Variants in SEMA6B observed in about 807,000 individuals in gnomAD.
The protein encoded by SEMA6B is semaphorin 6B.
SEMA6B carries 47 observed loss-of-function variants against 78.6 expected under a neutral mutation model. That is an observed-to-expected ratio of 0.60 (90% confidence interval 0.47 to 0.76). The LOEUF (loss-of-function observed/expected upper bound fraction) is 0.76. Among genes scored for constraint, SEMA6B ranks in the 30% least tolerant of loss-of-function variants. The pLI, the probability that SEMA6B is intolerant of heterozygous loss-of-function variation, is 0.00. For missense variants in SEMA6B, 1,213 were observed against 1,269.9 expected (o/e 0.96, Z 0.68); for synonymous variants, 632 against 592.2 (o/e 1.07, Z -0.98).
At chr19:4,557,057 G>C (rs1156664363) in intron 4 of SEMA6B, 44 bp from the exon 5 acceptor site, 1 of 1,600,920 alleles carries the variant, frequency 6.2e-7, no homozygotes, top group East Asian at 2.2e-5. Context: ...GGTCCCAGCA[G>C]CCCTGAGTGA....
chr19:4,555,839 T>C lies in SEMA6B; in HGVS notation c.471+149A>G. The C allele has an allele frequency of 1.4e-6, 1 of 717,670 alleles. No individual in the cohort carries two copies. Among genetic ancestry groups the C allele is most frequent in the African/African-American group, 1.7e-5 (1 of 57,400 alleles). 44.5% of individuals were successfully genotyped at this position (717,670 alleles called of 1,614,324 possible). A position where few individuals can be genotyped will look rare whatever the true frequency, so the allele number is the denominator to read the frequency against. ...TCGTTTGGACAGCGCTGACTCCTCT[T>C]GAGCTCAGGGGGAGGAGGCAGGGAG... On this transcript the variant is annotated intron_variant, in intron 6 of 16. Transcript: ENST00000586582. The surrounding 1 kb of genome is among the most constrained non-coding windows in gnomAD (Gnocchi z 6.1).
In SEMA6B at chr19:4,556,932, C is replaced by G. The variant is rs956553233; in HGVS notation, c.369+19G>C. ...AGGGCTGATTCGCAGGGGCCGGGAC[C>G]GAGCCAGGGCCAACTCACCTCCTGT... On this transcript the variant is annotated intron_variant, in intron 5 of 16. Coordinates refer to ENST00000586582, the MANE Select transcript of SEMA6B (RefSeq NM_032108.4). 2.5e-6 allele frequency: 4 copies of G among 1,609,392 alleles called. No individual in the cohort carries two copies. Among genetic ancestry groups the G allele is most frequent in the Non-Finnish European group, 3.4e-6 (4 of 1,177,486 alleles).
chr19:4,552,520 G>A lies in SEMA6B; in HGVS notation c.891C>T (p.Asp297=). ...GCAGCACGTTGAAGTAGAAATGGGA[G>A]TCTCCGGGTACAGAGCAGTTGAGCC... is the stretch of plus-strand genomic sequence containing the variant. The part of the protein sequence containing the change: ...KARLNCSVPG[D]SHFYFNVLQA... The change falls in exon 10 of 17, where the codon GAC becomes GAT. Residue 297 remains aspartate (D), a synonymous_variant. Coordinates refer to ENST00000586582, the MANE Select transcript of SEMA6B (RefSeq NM_032108.4). The surrounding 1 kb of genome is among the most constrained non-coding windows in gnomAD (Gnocchi z 7.4). 1 of 1,612,888 alleles carries A rather than the reference G, an allele frequency of 6.2e-7. No individual in the cohort carries two copies. Among genetic ancestry groups the A allele is most frequent in the Non-Finnish European group, 8.5e-7 (1 of 1,179,978 alleles).
intron 10 of SEMA6B, among the ~76,000 whole-genome samples, chr19:4,551,701 CGCCTGTAATCCCA>C (rs1263578817): frequency 6.6e-6 from 1 of 151,784 alleles, no homozygotes; most frequent in African/African-American, 2.4e-5. Context: ...TGGTGGCGCA[CGCCTGTAATCCCA>C]GCTACTAGGG....
At chr19:4,549,933 C>G (rs962541746) in intron 12 of SEMA6B, among the ~76,000 whole-genome samples, 190 bp downstream of exon 12, 1 of 152,074 alleles carries the variant, frequency 6.6e-6, no homozygotes, top group Non-Finnish European at 1.5e-5. Context: ...CCTCTTGATC[C>G]CTCTGTCTCT....
rs1051533611 is a variant in SEMA6B at position 4,552,713 on chromosome 19, C to T, written c.772-74G>A. 10 of 1,407,896 alleles carry T rather than the reference C, an allele frequency of 7.1e-6. No individual in the cohort carries two copies. Among genetic ancestry groups the T allele is most frequent in the African/African-American group, 1.4e-5 (1 of 70,314 alleles). The allele number at this position is 1,407,896 out of a possible 1,614,324, so 87.2% of individuals were successfully genotyped here. A position where few individuals can be genotyped will look rare whatever the true frequency, so the allele number is the denominator to read the frequency against. Reference sequence around the variant, plus strand: ...AGGCCTGTTCACAGGCTGTGCCACTCACCACCCAAACTGTGATGGAGGAGT... The same window carrying T: ...AGGCCTGTTCACAGGCTGTGCCACTTACCACCCAAACTGTGATGGAGGAGT... On this transcript the variant is annotated intron_variant, in intron 9 of 16. Coordinates refer to ENST00000586582, the MANE Select transcript of SEMA6B (RefSeq NM_032108.4). The surrounding 1 kb of genome is among the most constrained non-coding windows in gnomAD (Gnocchi z 7.4).
At position 4,548,405 on chromosome 19, in the gene SEMA6B, G is replaced by T. The variant is rs1299778338; in HGVS notation, c.1312C>A (p.Pro438Thr). ...TRVAVDVGAG[P>T]WGNQTVVFLG... The stretch of plus-strand genomic sequence containing the variant: ...AAGACAACGGTCTGGTTGCCCCAGG[G>T]GCCGGCTCCCACGTCCACAGCCACT... Residue 438 changes from proline (P) to threonine (T), a missense_variant, in exon 13 of 17, where the codon CCC becomes ACC. Transcript: ENST00000586582. 5 of 1,613,374 alleles carry T rather than the reference G, an allele frequency of 3.1e-6. No individual in the cohort carries two copies. The highest frequency in any genetic ancestry group is 2.2e-5 in the South Asian group (2 of 91,092).
rs756965843 is a variant in SEMA6B, at chr19:4,557,237, A to G, written c.246-14T>C. ...TAGAGGTTGTCCCTGGGGGAGGGGC[A>G]TAGTTAGTGAGAACTGGGGGCTCCG... On this transcript the variant is annotated splice_polypyrimidine_tract_variant and intron_variant, in intron 3 of 16. Transcript: ENST00000586582. The G allele has an allele frequency of 6.4e-7, 1 of 1,559,496 alleles. No individual in the cohort carries two copies. Among genetic ancestry groups the G allele is most frequent in the East Asian group, 2.2e-5 (1 of 44,546 alleles).
At position 4,546,164 on chromosome 19, in the gene SEMA6B, C is replaced by T. The variant is rs991514053; in HGVS notation, c.1738+52G>A. The T allele has an allele frequency of 9.2e-6, 14 of 1,526,446 alleles. No homozygotes were observed. In the African/African-American group the frequency reaches 1.7e-4, roughly 18 times the overall value. 94.6% of individuals were successfully genotyped at this position (1,526,446 alleles called of 1,614,324 possible). On this transcript the variant is annotated intron_variant, in intron 16 of 16. Transcript: ENST00000586582. ...GGTCCTCCAGCCTCCTCCCTCCCCT[C>T]CCCCATGGTAGTGGGGGATGGGGGT...
In SEMA6B at chr19:4,554,015, G is replaced by T. The variant is rs1977407095; in HGVS notation, c.771+373C>A. 2.6e-5 allele frequency among the ~76,000 whole-genome samples: 4 copies of T among 151,978 alleles called. No homozygotes were observed. The South Asian group carries it at 8.3e-4, about 32-fold the overall frequency. On this transcript the variant is annotated intron_variant, in intron 9 of 16. Coordinates refer to ENST00000586582, the MANE Select transcript of SEMA6B (RefSeq NM_032108.4). Reference sequence around the variant, plus strand: ...GGCAGATGAGTAGATGGATTAATGGGCTCATGAAAGTGTGGGTGGGCTGAA... The same window carrying T: ...GGCAGATGAGTAGATGGATTAATGGTCTCATGAAAGTGTGGGTGGGCTGAA...
At chr19:4,551,414 T>G (rs1478579138) in intron 10 of SEMA6B, among the ~76,000 whole-genome samples, 3 of 146,996 alleles carry the variant, frequency 2.0e-5, no homozygotes, top group Non-Finnish European at 3.0e-5. Flanking sequence ...GAGATGGGGT[T>G]TCACCATGTT....
intron 9 of SEMA6B, among the ~76,000 whole-genome samples, chr19:4,553,773 T>TGGATGGATGGGTGGATG (rs1977398722): frequency 1.4e-5 from 2 of 140,636 alleles, no homozygotes; most frequent in Non-Finnish European, 3.1e-5. Context: ...GGTAGATAAA[T>TGGATGGATGGGTGGATG]GGATGGATGG....
At position 4,558,553 on chromosome 19, in the gene SEMA6B, C is replaced by A; in HGVS notation, c.-32-64G>T. The A allele has an allele frequency of 9.1e-7, 1 of 1,099,306 alleles. No homozygotes were observed. The highest frequency in any genetic ancestry group is 1.2e-6 in the Non-Finnish European group (1 of 867,092). The allele number at this position is 1,099,306 out of a possible 1,614,324, so 68.1% of individuals were successfully genotyped here. A position where few individuals can be genotyped will look rare whatever the true frequency, so the allele number is the denominator to read the frequency against. ...CCGCTCGTGGCCACAAGACGGCGGG[C>A]GAGAGCAGCAGACGCTCCTTCAAAT... On this transcript the variant is annotated intron_variant, in intron 1 of 16. Transcript: ENST00000586582. This position sits in a 1 kb window ranked among gnomAD's most constrained non-coding sequence, Gnocchi z 5.1.
rs138569803 is a variant in SEMA6B at position 4,550,374 on chromosome 19, T to TTTTG, written c.1122-106_1122-103dup. On this transcript the variant is annotated intron_variant, in intron 11 of 16. Transcript: ENST00000586582. The surrounding 1 kb of genome is among the most constrained non-coding windows in gnomAD (Gnocchi z 6.6). ...TGCTTTGCCCAACGACCCTCAGGTT[T>TTTTG]TTTGTTTGTTTTGTTTTTGAGACAG... The TTTTG allele has an allele frequency of 0.14, 176,952 of 1,244,466 alleles. 20,917 individuals are homozygous for TTTTG. The highest frequency in any genetic ancestry group is 0.57 in the African/African-American group (36,874 of 64,730). 77.1% of individuals were successfully genotyped at this position (1,244,466 alleles called of 1,614,324 possible).
chr19:4,549,127 C>T (rs367748266), intron 12 of SEMA6B, among the ~76,000 whole-genome samples: 5 of 151,816 alleles, frequency 3.3e-5, no homozygotes, highest in East Asian at 1.9e-4. Flanking sequence ...TGCCCAGCCC[C>T]GCTTTCTCCT....
chr19:4,555,403 C>T lies in SEMA6B; in HGVS notation c.562+71G>A, dbSNP rs750724472. Reference sequence around the variant, plus strand: ...CCAGCTGCCTTCTAAACAACCCAGACGCTGGAGTAGAAAATGCCAGGTCTT... The same window carrying T: ...CCAGCTGCCTTCTAAACAACCCAGATGCTGGAGTAGAAAATGCCAGGTCTT... On this transcript the variant is annotated intron_variant, in intron 7 of 16. Coordinates refer to ENST00000586582, the MANE Select transcript of SEMA6B (RefSeq NM_032108.4). The surrounding 1 kb of genome is among the most constrained non-coding windows in gnomAD (Gnocchi z 6.1). 132 of 1,364,094 alleles carry T rather than the reference C, an allele frequency of 9.7e-5. 1 individual carries two copies. Among genetic ancestry groups the T allele is most frequent in the Middle Eastern group, 7.3e-4 (4 of 5,470 alleles). 84.5% of individuals were successfully genotyped at this position (1,364,094 alleles called of 1,614,324 possible). A position where few individuals can be genotyped will look rare whatever the true frequency, so the allele number is the denominator to read the frequency against.
chr19:4,543,816 G>A lies in SEMA6B; in HGVS notation c.2452C>T (p.Pro818Ser). 8.2e-7 allele frequency: 1 copy of A among 1,216,702 alleles called. No individual in the cohort carries two copies. The highest frequency in any genetic ancestry group is 1.0e-6 in the Non-Finnish European group (1 of 978,366). 75.4% of individuals were successfully genotyped at this position (1,216,702 alleles called of 1,614,324 possible). Residue 818 changes from proline (P) to serine (S), a missense_variant, in exon 17 of 17, where the codon CCG (proline) becomes TCG (serine). Coordinates refer to ENST00000586582, the MANE Select transcript of SEMA6B (RefSeq NM_032108.4). ...GTCGGGGGCGGGCTCCAGGGCCGCG[G>A]GAGGCCATCGGCGGCTGAGGCTGGG... ...LDPASAADGL[P>S]RPWSPPPTGS...
chr19:4,558,126 C>T lies in SEMA6B; in HGVS notation c.145G>A (p.Val49Met). The change falls in exon 3 of 17, where the codon GTG (valine) becomes ATG (methionine). Residue 49 changes from valine (V) to methionine (M), a missense_variant. By Grantham distance (21) the Val-to-Met change is conservative. Coordinates refer to ENST00000586582, the MANE Select transcript of SEMA6B (RefSeq NM_032108.4). This position sits in a 1 kb window ranked among gnomAD's most constrained non-coding sequence, Gnocchi z 5.1. The part of the protein sequence containing the change: ...RDYLNHYPVF[V>M]GSGPGRLTPA... ...GTCAGGCGTCCGGGCCCGCTGCCCA[C>T]AAACACGGGATAGTGGTTCAGGTCT... 1 of 1,515,062 alleles carries T rather than the reference C, an allele frequency of 6.6e-7. No homozygotes were observed. Among genetic ancestry groups the T allele is most frequent in the Non-Finnish European group, 8.9e-7 (1 of 1,123,668 alleles). 93.9% of individuals were successfully genotyped at this position (1,515,062 alleles called of 1,614,324 possible).
In SEMA6B at chr19:4,550,314, C is replaced by T; in HGVS notation, c.1122-42G>A. ...TGTGGTCAGGACGAACGTAAAGGTT[C>T]TCATAAAGGGGCCTGATTCACCAGA... On this transcript the variant is annotated intron_variant, in intron 11 of 16. Coordinates refer to ENST00000586582, the MANE Select transcript of SEMA6B (RefSeq NM_032108.4). This position sits in a 1 kb window ranked among gnomAD's most constrained non-coding sequence, Gnocchi z 6.6. The T allele has an allele frequency of 6.2e-7, 1 of 1,606,218 alleles. No individual in the cohort carries two copies. The highest frequency in any genetic ancestry group is 8.5e-7 in the Non-Finnish European group (1 of 1,174,400).
Sources: gnomAD v4.1 joint callset for allele counts (sites outside exome capture counted in the v4.1 genomes callset) on GRCh38, gnomAD v4.1.1 for gene constraint, Gnocchi (gnomAD v3.1) non-coding constraint, MANE v1.5 for transcripts, NCBI Gene and HGNC (gene_info 2026-07-23, HGNC 2026-07-21) for gene names.